Variants in DEPTOR observed in about 807,000 individuals in gnomAD.
DEPTOR encodes the protein DEP domain containing MTOR interacting protein.
DEPTOR carries 41 observed loss-of-function variants against 41.6 expected under a neutral mutation model. The observed-to-expected ratio is 0.98, with a 90% confidence interval of 0.77 to 1.28. DEPTOR has a LOEUF of 1.28. Among genes scored for constraint, DEPTOR ranks in the 50% most tolerant of loss-of-function variants. DEPTOR has a pLI of 0.00. For missense variants in DEPTOR, 514 were observed against 527.9 expected, an observed-to-expected ratio of 0.97 and a Z score of 0.26; for synonymous variants, 195 against 192.3, an observed-to-expected ratio of 1.01 and a Z score of -0.12.
intron 8 of DEPTOR, among the ~76,000 whole-genome samples, chr8:120,037,008 G>A (rs907248336): frequency 3.3e-5 from 5 of 151,964 alleles, no homozygotes; most frequent in Non-Finnish European, 5.9e-5. Context: ...TTTTTCCTTT[G>A]TGATCTGAAT....
At chr8:120,010,873 G>A (rs1353007352) in intron 8 of DEPTOR, among the ~76,000 whole-genome samples, 1 of 152,046 alleles carries the variant, frequency 6.6e-6, no homozygotes, top group African/African-American at 2.4e-5. Context: ...TTATTTAAGA[G>A]GATGTTGAGG....
intron 6 of DEPTOR, 124 bp downstream of exon 6, chr8:120,003,235 G>T: frequency 6.8e-7 from 1 of 1,467,670 alleles, no homozygotes; most frequent in Non-Finnish European, 9.1e-7. Flanking sequence ...CATGCTCTTG[G>T]GGTCCACACG....
chr8:119,958,504 G>T (rs987694533), intron 3 of DEPTOR, among the ~76,000 whole-genome samples: 1 of 152,084 alleles, frequency 6.6e-6, no homozygotes, highest in East Asian at 1.9e-4. Context: ...GCATAACGTG[G>T]CCGGGCATGG....
In DEPTOR at chr8:119,878,322, C is replaced by CT. The variant is rs34074804; in HGVS notation, c.122+4369dup. On this transcript the variant is annotated intron_variant, in intron 1 of 8. Coordinates refer to ENST00000286234, the MANE Select transcript of DEPTOR (RefSeq NM_022783.4). ...GAGCTGCACCTGGCCAATCCTGACA[C>CT]TTTTTTTTTTTTTTTAAGACAGCAT... Among the ~76,000 whole-genome samples, 275 of 141,772 alleles carry CT rather than the reference C, an allele frequency of 1.9e-3. 1 individual carries two copies. The highest frequency in any genetic ancestry group is 7.6e-3 in the Admixed American group (107 of 14,126). 93.0% of individuals were successfully genotyped at this position (141,772 alleles called of 152,430 possible).
At chr8:119,930,596 T>C (rs536274693) in intron 3 of DEPTOR, among the ~76,000 whole-genome samples, 6 of 152,260 alleles carry the variant, frequency 3.9e-5, no homozygotes, top group Admixed American at 1.3e-4. Flanking sequence ...TGTAAGTGAC[T>C]GGAGAAGCAG....
intron 8 of DEPTOR, among the ~76,000 whole-genome samples, chr8:120,044,793 A>G (rs1304877580): frequency 6.6e-6 from 1 of 152,220 alleles, no homozygotes; most frequent in Non-Finnish European, 1.5e-5. Flanking sequence ...AGGTTTTTCA[A>G]TATATGACTG....
intron 8 of DEPTOR, among the ~76,000 whole-genome samples, chr8:120,029,552 T>C (rs781234880): frequency 6.6e-6 from 1 of 152,096 alleles, no homozygotes; most frequent in Non-Finnish European, 1.5e-5. Context: ...CACACCACCA[T>C]GCCTGGCTAA....
intron 8 of DEPTOR, among the ~76,000 whole-genome samples, chr8:120,049,308 T>TTAAATACTAGCTAAAGCTAGTATG (rs1813195976): frequency 1.3e-5 from 2 of 152,012 alleles, no homozygotes; most frequent in African/African-American, 4.8e-5. Flanking sequence ...TAGCTAGTAT[T>TTAAATACTAGCTAAAGCTAGTATG]TAAATACTAG....
At chr8:120,023,608 C>T (rs1047635909) in intron 8 of DEPTOR, among the ~76,000 whole-genome samples, 1 of 152,018 alleles carries the variant, frequency 6.6e-6, no homozygotes, top group Non-Finnish European at 1.5e-5. Context: ...TGGGATGTTA[C>T]CTAGATAAGA....
rs573970036 is a variant in DEPTOR, at chr8:120,035,739, C to A, written c.1102-13837C>A. Among the ~76,000 whole-genome samples the A allele has an allele frequency of 5.3e-5, 8 of 152,290 alleles. No individual in the cohort carries two copies. In the South Asian group the frequency reaches 1.7e-3, roughly 32 times the overall value. The stretch of plus-strand genomic sequence containing the variant: ...TAGAGATGGGGTTTCGCCACGTTGG[C>A]CAGGCTGGTTTCGAACTCCTGATCT... On this transcript the variant is annotated intron_variant, in intron 8 of 8. Transcript: ENST00000286234.
chr8:119,969,463 T>A (rs898807784), intron 4 of DEPTOR, among the ~76,000 whole-genome samples: 3 of 151,750 alleles, frequency 2.0e-5, no homozygotes, highest in African/African-American at 2.4e-5. Context: ...CAAGCAATTC[T>A]CTTGCCTCAG....
rs551163278 is a variant in DEPTOR, at chr8:119,915,827, T to C, written c.123-12573T>C. On this transcript the variant is annotated intron_variant, in intron 1 of 8. Coordinates refer to ENST00000286234, the MANE Select transcript of DEPTOR (RefSeq NM_022783.4). ...GTACTCTCTCACCTGGACTTTTCTC[T>C]GCTTTGACTTACCACTCCACCAGAA... 2.2e-3 allele frequency among the ~76,000 whole-genome samples: 340 copies of C among 152,124 alleles called. 3 individuals are homozygous for C. Among genetic ancestry groups the C allele is most frequent in the African/African-American group, 6.8e-3 (281 of 41,532 alleles).
Position 119,897,414 on chromosome 8 carries a change from TC to T in DEPTOR, c.122+23449del, listed in dbSNP as rs536258992. Among the ~76,000 whole-genome samples the T allele has an allele frequency of 6.6e-5, 10 of 152,178 alleles. No individual in the cohort carries two copies. In the South Asian group the frequency reaches 2.1e-3, roughly 32 times the overall value. On this transcript the variant is annotated intron_variant, in intron 1 of 8. Coordinates refer to ENST00000286234, the MANE Select transcript of DEPTOR (RefSeq NM_022783.4). Reference sequence around the variant, plus strand: ...TGGACATGGTAGCAGGCGCCTGTAATCCCAGCTACTCGGGAGGCTGAGGCAG... The same window carrying T: ...TGGACATGGTAGCAGGCGCCTGTAATCCAGCTACTCGGGAGGCTGAGGCAG...
intron 1 of DEPTOR, among the ~76,000 whole-genome samples, chr8:119,897,304 G>A (rs1586604076): frequency 6.6e-6 from 1 of 152,126 alleles, no homozygotes; most frequent in Admixed American, 6.6e-5. Context: ...GGAGGCCGAG[G>A]TGGGCAGATC....
At chr8:119,939,626 T>C (rs958790183) in intron 3 of DEPTOR, among the ~76,000 whole-genome samples, 3 of 151,962 alleles carry the variant, frequency 2.0e-5, no homozygotes, top group Middle Eastern at 3.4e-3. Context: ...TAGCTGGGAG[T>C]ATAAGCATGT....
intron 8 of DEPTOR, among the ~76,000 whole-genome samples, chr8:120,022,393 T>C (rs985666362): frequency 6.6e-6 from 1 of 152,116 alleles, no homozygotes; most frequent in African/African-American, 2.4e-5. Flanking sequence ...CCAAAGCAGA[T>C]ACATGGAAAT....
intron 4 of DEPTOR, among the ~76,000 whole-genome samples, chr8:119,988,581 C>A (rs950146833): frequency 6.6e-6 from 1 of 152,140 alleles, no homozygotes; most frequent in Non-Finnish European, 1.5e-5. Context: ...CTCCTAGGTT[C>A]AAGTGATTCT....
At chr8:120,031,500 A>G (rs750914297) in intron 8 of DEPTOR, among the ~76,000 whole-genome samples, 7 of 151,996 alleles carry the variant, frequency 4.6e-5, no homozygotes, top group Non-Finnish European at 8.8e-5. Context: ...GCATATTTGC[A>G]TTTACTTATG....
chr8:119,970,777 G>T (rs142018574), intron 4 of DEPTOR, among the ~76,000 whole-genome samples: 1 of 152,122 alleles, frequency 6.6e-6, no homozygotes, highest in East Asian at 1.9e-4. Flanking sequence ...AGGGCACATC[G>T]GGTGGAGTGT....
Sources: gnomAD v4.1 joint callset for allele counts (sites outside exome capture counted in the v4.1 genomes callset) on GRCh38, gnomAD v4.1.1 for gene constraint, MANE v1.5 for transcripts, NCBI Gene and HGNC (gene_info 2026-07-23, HGNC 2026-07-21) for gene names.